The following CRISPLD2 variants were observed in gnomAD, a reference collection of about 807,000 sequenced individuals.
CRISPLD2 encodes the protein cysteine-rich secretory protein LCCL domain-containing 2.
CRISPLD2 carries 47 observed loss-of-function variants against 71.1 expected under a neutral mutation model. The ratio of observed to expected loss-of-function variants is 0.66; its 90% CI spans 0.52 to 0.84. The LOEUF (loss-of-function observed/expected upper bound fraction) is 0.84. Among genes scored for constraint, CRISPLD2 ranks in the 40% least tolerant of loss-of-function variants. CRISPLD2 has a pLI of 0.00. For synonymous variants in CRISPLD2, 317 were observed against 250.1 expected (o/e 1.27, Z -2.52); for missense variants, 830 against 651.1 (o/e 1.27, Z -2.99).
Position 84,850,548 on chromosome 16 carries a change from C to T in CRISPLD2, c.493-20C>T, listed in dbSNP as rs771198486. 6 of 1,606,540 alleles carry T rather than the reference C, an allele frequency of 3.7e-6. No homozygotes were observed. The South Asian group carries it at 5.5e-5, about 15-fold the overall frequency. ...GTGCCTTATCCCTCGAGCTGTGACA[C>T]ACAAATGTCATCTTTTCAGATAGTT... On this transcript the variant is annotated intron_variant, in intron 4 of 14. Transcript: ENST00000262424.
intron 8 of CRISPLD2, 60 bp from the exon 9 acceptor site, chr16:84,872,376 TAAACTC>T: frequency 7.6e-7 from 1 of 1,307,476 alleles, no homozygotes; most frequent in Non-Finnish European, 1.1e-6. Flanking sequence ...AAAAAAATGA[TAAACTC>T]ATTGTGAGAT....
Position 84,873,899 on chromosome 16 carries a change from T to G in CRISPLD2, c.1113-21T>G, listed in dbSNP as rs760694300. 688 of 1,523,480 alleles carry G rather than the reference T, an allele frequency of 4.5e-4. 1 individual carries two copies. The highest frequency in any genetic ancestry group is 1.9e-3 in the Admixed American group (85 of 45,650). 94.4% of individuals were successfully genotyped at this position (1,523,480 alleles called of 1,614,324 possible). ...TTGCATTTACCTAATGCCCGTTTTT[T>G]TTTTTTTTTTTTTTAAACAGCAAAT... On this transcript the variant is annotated intron_variant, in intron 10 of 14. Coordinates refer to ENST00000262424, the MANE Select transcript of CRISPLD2 (RefSeq NM_031476.4).
chr16:84,870,847 C>T (rs2071462218), intron 8 of CRISPLD2, among the ~76,000 whole-genome samples: 1 of 151,858 alleles, frequency 6.6e-6, no homozygotes, highest in East Asian at 2.0e-4. Flanking sequence ...TCACTTAAGG[C>T]CAAGAGTTTG....
intron 14 of CRISPLD2, 74 bp from the exon 15 acceptor site, chr16:84,906,514 C>G: frequency 1.3e-6 from 2 of 1,540,950 alleles, no homozygotes; most frequent in Non-Finnish European, 1.8e-6. Flanking sequence ...CCCAGGTCTC[C>G]CTGCCCACCC....
rs562773763 is a variant in CRISPLD2 at position 84,880,363 on chromosome 16, T to C, written c.1230-146T>C. The C allele has an allele frequency of 1.5e-4, 91 of 595,714 alleles. 1 individual carries two copies. In the South Asian group the frequency reaches 1.5e-3, roughly 10 times the overall value. 36.9% of individuals were successfully genotyped at this position (595,714 alleles called of 1,614,324 possible). A position where few individuals can be genotyped will look rare whatever the true frequency, so the allele number is the denominator to read the frequency against. The stretch of plus-strand genomic sequence containing the variant: ...TACCTCTGCTGAGGGGGGAGAAGTA[T>C]TGTTTTTTTTCTTAATGAGGAAAAC... On this transcript the variant is annotated intron_variant, in intron 12 of 14. Coordinates refer to ENST00000262424, the MANE Select transcript of CRISPLD2 (RefSeq NM_031476.4).
chr16:84,852,529 C>A (rs1355298718), intron 5 of CRISPLD2, among the ~76,000 whole-genome samples: 1 of 152,320 alleles, frequency 6.6e-6, no homozygotes, highest in Non-Finnish European at 1.5e-5. Context: ...CCGGTTCTTT[C>A]CTTTTGTCTG....
chr16:84,863,148 C>T (rs745514854), intron 6 of CRISPLD2: 4 of 152,170 alleles, frequency 2.6e-5, no homozygotes, highest in African/African-American at 4.8e-5. Flanking sequence ...ACTCCAGGGC[C>T]TCCGGAGGCA....
At position 84,883,352 on chromosome 16, in the gene CRISPLD2, A is replaced by G. The variant is rs560311271; in HGVS notation, c.1305+2768A>G. 5.3e-5 allele frequency among the ~76,000 whole-genome samples: 8 copies of G among 152,334 alleles called. No homozygotes were observed. In the East Asian group the frequency reaches 1.5e-3, roughly 29 times the overall value. On this transcript the variant is annotated intron_variant, in intron 13 of 14. Transcript: ENST00000262424. ...GCTCCCGCCTGTTCACCAGGACTGC[A>G]TTTCCTGGCAGACCCCTCGCTGTGT...
intron 1 of CRISPLD2, among the ~76,000 whole-genome samples, chr16:84,830,967 C>A (rs543754654): frequency 1.3e-5 from 2 of 152,308 alleles, no homozygotes; most frequent in Non-Finnish European, 2.9e-5. Context: ...GCAAACACCG[C>A]AAGGCAGGCT....
chr16:84,846,500 C>T (rs1202045183), intron 3 of CRISPLD2, among the ~76,000 whole-genome samples: 1 of 152,052 alleles, frequency 6.6e-6, no homozygotes, highest in Non-Finnish European at 1.5e-5. Flanking sequence ...GTGATCCACC[C>T]ACGTTGGCCT....
chr16:84,853,267 A>G (rs140627429), intron 5 of CRISPLD2, among the ~76,000 whole-genome samples: 1 of 152,132 alleles, frequency 6.6e-6, no homozygotes, highest in Admixed American at 6.5e-5. Context: ...TGAGAAACCT[A>G]CTGGGCTTCA....
At chr16:84,850,379 G>A (rs559195524) in intron 4 of CRISPLD2, among the ~76,000 whole-genome samples, 189 bp from the exon 5 acceptor site, 3 of 152,242 alleles carry the variant, frequency 2.0e-5, no homozygotes, top group East Asian at 1.9e-4. Context: ...GTGAGCCACC[G>A]CACCGGCCCA....
At chr16:84,820,743 T>C (rs935669318) in intron 1 of CRISPLD2, among the ~76,000 whole-genome samples, 1 of 152,046 alleles carries the variant, frequency 6.6e-6, no homozygotes, top group Non-Finnish European at 1.5e-5. Flanking sequence ...CAAATGGATG[T>C]GTAGAGACTT....
Position 84,873,901 on chromosome 16 carries a change from T to G in CRISPLD2, c.1113-19T>G, listed in dbSNP as rs759081273. On this transcript the variant is annotated intron_variant, in intron 10 of 14. Transcript: ENST00000262424. ...GCATTTACCTAATGCCCGTTTTTTT[T>G]TTTTTTTTTTTTAAACAGCAAATAC... The G allele has an allele frequency of 1.3e-5, 21 of 1,575,296 alleles. No homozygotes were observed. The highest frequency in any genetic ancestry group is 1.1e-4 in the South Asian group (9 of 84,268).
At chr16:84,886,064 A>G (rs919305609) in intron 13 of CRISPLD2, among the ~76,000 whole-genome samples, 2 of 151,738 alleles carry the variant, frequency 1.3e-5, no homozygotes, top group Admixed American at 6.6e-5. Context: ...CTAATTTTCT[A>G]TTTTTAGTAG....
At chr16:84,844,699 GCATCCATT>G (rs1314948189) in intron 2 of CRISPLD2, among the ~76,000 whole-genome samples, 6 of 152,156 alleles carry the variant, frequency 3.9e-5, no homozygotes, top group African/African-American at 1.4e-4. Context: ...CTGAAATGCG[GCATCCATT>G]CATCTCGGGG....
At chr16:84,829,893 C>G (rs1916444722) in intron 1 of CRISPLD2, among the ~76,000 whole-genome samples, 1 of 152,262 alleles carries the variant, frequency 6.6e-6, no homozygotes, top group South Asian at 2.1e-4. Context: ...GCAGCCCCTT[C>G]CTCATCCCAC....
intron 8 of CRISPLD2, among the ~76,000 whole-genome samples, chr16:84,869,803 G>A (rs2071450094): frequency 6.6e-6 from 1 of 152,376 alleles, no homozygotes; most frequent in Admixed American, 6.5e-5. Flanking sequence ...GTCCTTTTGT[G>A]GCAACGCATC....
chr16:84,901,389 T>C lies in CRISPLD2; in HGVS notation c.1440-5199T>C, dbSNP rs2071752382. 2.0e-5 allele frequency among the ~76,000 whole-genome samples: 3 copies of C among 152,100 alleles called. No homozygotes were observed. In the South Asian group the frequency reaches 6.2e-4, roughly 31 times the overall value. On this transcript the variant is annotated intron_variant, in intron 14 of 14. Coordinates refer to ENST00000262424, the MANE Select transcript of CRISPLD2 (RefSeq NM_031476.4). Reference sequence around the variant, plus strand: ...AGTGTTTTTTGCCTTAAGGATTGTGTGTTCAACAACTAAAATGTGCGGCTA... The same window carrying C: ...AGTGTTTTTTGCCTTAAGGATTGTGCGTTCAACAACTAAAATGTGCGGCTA...
Sources: gnomAD v4.1 joint callset for allele counts (sites outside exome capture counted in the v4.1 genomes callset) on GRCh38, gnomAD v4.1.1 for gene constraint, MANE v1.5 for transcripts, NCBI Gene and HGNC (gene_info 2026-07-23, HGNC 2026-07-21) for gene names.